Variants in PTPRN2 observed in about 807,000 individuals in gnomAD.
PTPRN2 encodes the protein protein tyrosine phosphatase receptor type N2, also known as receptor-type tyrosine-protein phosphatase N2.
PTPRN2 carries 74 observed loss-of-function variants against 118.8 expected under a neutral mutation model. That is an observed-to-expected ratio of 0.62 (90% CI 0.52 to 0.76). The LOEUF (loss-of-function observed/expected upper bound fraction) is 0.76, where lower values mean the gene tolerates loss of function less well. Ranked by LOEUF, PTPRN2 falls within the 30% of genes least tolerant of loss-of-function variation. The pLI, the probability that PTPRN2 is intolerant of heterozygous loss-of-function variation, is 0.00. For synonymous variants in PTPRN2, 641 were observed against 608.0 expected (o/e 1.05, Z -0.80); for missense variants, 1,481 against 1,394.4 (o/e 1.06, Z -0.99).
chr7:158,111,788 T>C (rs945399048), intron 9 of PTPRN2, among the ~76,000 whole-genome samples: 4 of 151,902 alleles, frequency 2.6e-5, no homozygotes, highest in Admixed American at 1.3e-4. Flanking sequence ...AAATCAATCA[T>C]GCTATGATGG....
At chr7:157,872,782 T>C (rs943600100) in intron 12 of PTPRN2, among the ~76,000 whole-genome samples, 123 of 152,350 alleles carry the variant, frequency 8.1e-4, no homozygotes, top group African/African-American at 2.9e-3. Context: ...CTCCCCGCCC[T>C]GTCAGGGCTC....
At chr7:158,150,079 G>A (rs1057100942) in intron 6 of PTPRN2, among the ~76,000 whole-genome samples, 2 of 152,202 alleles carry the variant, frequency 1.3e-5, no homozygotes, top group African/African-American at 4.8e-5. Context: ...TCTGAGGGAA[G>A]AGGCCGTGGG....
At chr7:157,689,339 G>C (rs1797355602) in intron 12 of PTPRN2, among the ~76,000 whole-genome samples, 1 of 152,142 alleles carries the variant, frequency 6.6e-6, no homozygotes, top group Non-Finnish European at 1.5e-5. Context: ...CCACGGTGCC[G>C]GCCGGGACGC....
At chr7:158,241,703 A>G (rs1172566013) in intron 3 of PTPRN2, among the ~76,000 whole-genome samples, 4 of 152,104 alleles carry the variant, frequency 2.6e-5, no homozygotes, top group Non-Finnish European at 5.9e-5. Context: ...CTGTTTTCTC[A>G]TATCCTACCT....
intron 12 of PTPRN2, among the ~76,000 whole-genome samples, chr7:157,775,207 G>A (rs916718165): frequency 1.3e-5 from 2 of 152,198 alleles, no homozygotes; most frequent in African/African-American, 2.4e-5. Flanking sequence ...GCAGGACGCC[G>A]TGTGTGGCAA....
chr7:158,305,392 G>A (rs555102575), intron 3 of PTPRN2, among the ~76,000 whole-genome samples: 6 of 152,290 alleles, frequency 3.9e-5, no homozygotes, highest in South Asian at 4.1e-4. Context: ...GGGAGAGAGG[G>A]AGGGAGGGAG....
rs145456575 is a variant in PTPRN2, at chr7:158,457,462, G to T, written c.163+32273C>A. On this transcript the variant is annotated intron_variant, in intron 2 of 22. Transcript: ENST00000389418. ...CGGCCTGCGGGACCACAGCGGATGCGCGGCCCCAGTCAGCACACGGTGAGG... is the reference window on the plus strand; with the variant it reads ...CGGCCTGCGGGACCACAGCGGATGCTCGGCCCCAGTCAGCACACGGTGAGG... Among the ~76,000 whole-genome samples, 750 of 151,982 alleles carry T rather than the reference G, an allele frequency of 4.9e-3. 27 individuals are homozygous for T. The highest frequency in any genetic ancestry group is 0.017 in the African/African-American group (701 of 41,452).
intron 11 of PTPRN2, among the ~76,000 whole-genome samples, chr7:158,006,353 T>C (rs1805633134): frequency 6.6e-6 from 1 of 152,242 alleles, no homozygotes; most frequent in Non-Finnish European, 1.5e-5. Context: ...TCCTCCATGG[T>C]GGTACAGTTC....
rs1318696781 is a variant in PTPRN2, at chr7:158,546,845, G to T, written c.112+40713C>A. ...CACAGGGCATGGGCACTCCAGAGGG[G>T]CTCAGCTTATGGTTAACGCTGGGGC... On this transcript the variant is annotated intron_variant, in intron 1 of 22. Transcript: ENST00000389418. The surrounding 1 kb of genome is among the most constrained non-coding windows in gnomAD (Gnocchi z 5.0). Among the ~76,000 whole-genome samples, 1 of 152,230 alleles carries T rather than the reference G, an allele frequency of 6.6e-6. No individual in the cohort carries two copies. The highest frequency in any genetic ancestry group is 2.4e-5 in the African/African-American group (1 of 41,468).
intron 14 of PTPRN2, among the ~76,000 whole-genome samples, chr7:157,648,620 G>A (rs1160077223): frequency 7.2e-6 from 1 of 138,210 alleles, no homozygotes; most frequent in Non-Finnish European, 1.5e-5. Flanking sequence ...AGCGTGCACT[G>A]AACTCGGTGG....
At chr7:158,332,764 C>T (rs1408536399) in intron 2 of PTPRN2, among the ~76,000 whole-genome samples, 1 of 151,424 alleles carries the variant, frequency 6.6e-6, no homozygotes, top group African/African-American at 2.4e-5. Flanking sequence ...AGAGGACACT[C>T]ACACCCATAC....
At chr7:158,389,591 G>A (rs868140905) in intron 2 of PTPRN2, among the ~76,000 whole-genome samples, 24 of 152,298 alleles carry the variant, frequency 1.6e-4, no homozygotes, top group African/African-American at 3.6e-4. Flanking sequence ...TGGGATCTGC[G>A]AAAGATCAAT....
intron 10 of PTPRN2, among the ~76,000 whole-genome samples, chr7:158,105,895 C>T (rs948083987): frequency 1.1e-4 from 16 of 151,818 alleles, no homozygotes; most frequent in South Asian, 2.1e-4. Context: ...ACTCTATACC[C>T]GGCTCCATCA....
At chr7:158,200,425 A>C (rs1033875473) in intron 4 of PTPRN2, among the ~76,000 whole-genome samples, 4 of 152,236 alleles carry the variant, frequency 2.6e-5, no homozygotes, top group Non-Finnish European at 5.9e-5. Flanking sequence ...CTATGAAGCT[A>C]AACACATCAA....
intron 14 of PTPRN2, among the ~76,000 whole-genome samples, chr7:157,644,643 A>G (rs999069245): frequency 1.3e-5 from 2 of 152,130 alleles, no homozygotes; most frequent in African/African-American, 4.8e-5. Flanking sequence ...TAAAAATACA[A>G]AATTAGCCAG....
At chr7:158,315,287 CGGG>C in intron 3 of PTPRN2, among the ~76,000 whole-genome samples, 7 of 97,854 alleles carry the variant, frequency 7.2e-5, no homozygotes, top group Non-Finnish European at 1.5e-4. Flanking sequence ...GAGGTGAACC[CGGG>C]ACCCCCTGAA....
intron 2 of PTPRN2, among the ~76,000 whole-genome samples, chr7:158,332,798 G>A (rs1198317469): frequency 7.3e-5 from 11 of 150,238 alleles, no homozygotes; most frequent in Admixed American, 6.0e-4. Context: ...GCTGATGCCT[G>A]CAGACGTCAC....
At chr7:158,524,451 G>T (rs1379376717) in intron 1 of PTPRN2, among the ~76,000 whole-genome samples, 3 of 65,578 alleles carry the variant, frequency 4.6e-5, no homozygotes, top group Non-Finnish European at 6.5e-5. Context: ...ACCCTGGAGC[G>T]GAGTCTGCCC....
intron 1 of PTPRN2, among the ~76,000 whole-genome samples, chr7:158,545,896 G>A (rs1463484329): frequency 6.6e-6 from 1 of 152,184 alleles, no homozygotes; most frequent in Non-Finnish European, 1.5e-5. Flanking sequence ...CTACTCAGGA[G>A]GCTGAAGCAA....
Sources: gnomAD v4.1 joint callset for allele counts (sites outside exome capture counted in the v4.1 genomes callset) on GRCh38, gnomAD v4.1.1 for gene constraint, Gnocchi (gnomAD v3.1) non-coding constraint, MANE v1.5 for transcripts, NCBI Gene and HGNC (gene_info 2026-07-23, HGNC 2026-07-21) for gene names.